The following CSMD2 variants were observed in gnomAD, a reference collection of about 807,000 sequenced individuals.
CSMD2 encodes the protein CUB and sushi domain-containing protein 2.
A neutral mutation model predicts 398.5 loss-of-function variants in CSMD2; 130 were observed. The ratio of observed to expected loss-of-function variants is 0.33; its 90% CI spans 0.28 to 0.38. CSMD2 has a LOEUF of 0.38. CSMD2 is among the 10% of genes least tolerant of loss of function. The pLI is 1.00. For missense variants in CSMD2, 3,829 were observed against 4,764.9 expected (o/e 0.80, Z 5.78); for synonymous variants, 1,828 against 1,908.5 (o/e 0.96, Z 1.10).
At chr1:33,823,215 G>A (rs1307697003) in intron 7 of CSMD2, among the ~76,000 whole-genome samples, 2 of 152,150 alleles carry the variant, frequency 1.3e-5, no homozygotes, top group Non-Finnish European at 2.9e-5. Flanking sequence ...CATCCAGAAA[G>A]TCACAAACCC....
intron 3 of CSMD2, among the ~76,000 whole-genome samples, chr1:33,941,916 T>C (rs1644687898): frequency 1.3e-5 from 2 of 152,154 alleles, no homozygotes; most frequent in Non-Finnish European, 2.9e-5. Context: ...ATGATATGTA[T>C]TTTTGCTTGA....
At chr1:33,588,624 C>G (rs550446054) in intron 44 of CSMD2, among the ~76,000 whole-genome samples, 1 of 152,270 alleles carries the variant, frequency 6.6e-6, no homozygotes, top group South Asian at 2.1e-4. Context: ...ATGCAACAAA[C>G]CATTATGTTA....
At chr1:33,665,683 C>A (rs1482859320) in intron 25 of CSMD2, among the ~76,000 whole-genome samples, 1 of 151,888 alleles carries the variant, frequency 6.6e-6, no homozygotes, top group Non-Finnish European at 1.5e-5. Context: ...CTGCCTCAGC[C>A]TCCAAAATTC....
At chr1:34,149,077 G>A (rs1640048740) in intron 1 of CSMD2, among the ~76,000 whole-genome samples, 1 of 152,176 alleles carries the variant, frequency 6.6e-6, no homozygotes, top group South Asian at 2.1e-4. Context: ...CCCCAGGAAT[G>A]GCTGAATAAA....
At position 33,698,799 on chromosome 1, in the gene CSMD2, C is replaced by T. The variant is rs1283874960; in HGVS notation, c.3879G>A (p.Leu1293=). The T allele has an allele frequency of 1.2e-6, 2 of 1,614,032 alleles. No homozygotes were observed. Among genetic ancestry groups the T allele is most frequent in the African/African-American group, 2.7e-5 (2 of 74,926 alleles). ...SLRGSEELLC[L]SGERRTWDRP... ...GGTCCCAGGTCCGGCGCTCTCCACTCAGACACAGCAGCTCCTCACTACCCC... is the reference window on the plus strand; with the variant it reads ...GGTCCCAGGTCCGGCGCTCTCCACTTAGACACAGCAGCTCCTCACTACCCC... Residue 1293 remains leucine (L), a synonymous_variant, in exon 24 of 71, where the codon CTG becomes CTA. Coordinates refer to ENST00000373381, the MANE Select transcript of CSMD2 (RefSeq NM_001281956.2).
intron 10 of CSMD2, among the ~76,000 whole-genome samples, chr1:33,799,071 T>C (rs1318601941): frequency 6.6e-6 from 1 of 152,214 alleles, no homozygotes; most frequent in Non-Finnish European, 1.5e-5. Flanking sequence ...CCAAATGCTC[T>C]TAGCACCTCC....
chr1:33,903,882 G>GT (rs576548198), intron 5 of CSMD2, among the ~76,000 whole-genome samples: 84 of 152,028 alleles, frequency 5.5e-4, no homozygotes, highest in African/African-American at 7.7e-4. Context: ...TTTGTTTTTT[G>GT]TTTTTTTAAC....
At chr1:34,098,605 G>C (rs550820797) in intron 1 of CSMD2, among the ~76,000 whole-genome samples, 1 of 152,038 alleles carries the variant, frequency 6.6e-6, no homozygotes, top group Non-Finnish European at 1.5e-5. Flanking sequence ...ACATGAAATG[G>C]TATTGCATGA....
At chr1:33,951,159 G>A (rs1041777541) in intron 3 of CSMD2, among the ~76,000 whole-genome samples, 3 of 152,222 alleles carry the variant, frequency 2.0e-5, no homozygotes, top group Non-Finnish European at 4.4e-5. Context: ...CACATCTCCA[G>A]GGCTGGAGAG....
intron 12 of CSMD2, among the ~76,000 whole-genome samples, chr1:33,776,063 C>T (rs1047272661): frequency 3.3e-5 from 5 of 152,162 alleles, no homozygotes; most frequent in Admixed American, 1.3e-4. Flanking sequence ...GGTGATATCA[C>T]TCTCTCTAGA....
intron 3 of CSMD2, among the ~76,000 whole-genome samples, chr1:34,027,916 G>T (rs937774309): frequency 6.7e-6 from 1 of 148,344 alleles, no homozygotes; most frequent in Admixed American, 6.9e-5. Flanking sequence ...GAGTCAGGAG[G>T]AGGAGGAGGA....
rs535211484 is a variant in CSMD2 at position 34,048,733 on chromosome 1, C to T, written c.405-16027G>A. ...GAAAGATTAGGTCTCCATTTAAAGA[C>T]AGCGCTTTGCAGTGTGCTACAGGCA... On this transcript the variant is annotated intron_variant, in intron 2 of 70. Transcript: ENST00000373381. Among the ~76,000 whole-genome samples, 6 of 152,342 alleles carry T rather than the reference C, an allele frequency of 3.9e-5. No homozygotes were observed. The East Asian group carries it at 9.6e-4, about 24-fold the overall frequency.
chr1:33,999,890 A>G (rs1646847290), intron 3 of CSMD2, among the ~76,000 whole-genome samples: 1 of 152,222 alleles, frequency 6.6e-6, no homozygotes. Context: ...ATGTTACTAT[A>G]TTTGCATAGT....
At chr1:33,902,435 C>T (rs915453612) in intron 5 of CSMD2, among the ~76,000 whole-genome samples, 1 of 152,156 alleles carries the variant, frequency 6.6e-6, no homozygotes, top group African/African-American at 2.4e-5. Context: ...CATGCTCTAT[C>T]ACATCATGTT....
intron 5 of CSMD2, among the ~76,000 whole-genome samples, chr1:33,915,160 G>A (rs1395356359): frequency 1.1e-4 from 17 of 152,154 alleles, no homozygotes; most frequent in Non-Finnish European, 7.3e-5. Context: ...GGGGTGCCCA[G>A]TTGTCCAAAT....
chr1:34,004,439 C>A (rs543893919), intron 3 of CSMD2, among the ~76,000 whole-genome samples: 1 of 148,844 alleles, frequency 6.7e-6, no homozygotes, highest in South Asian at 2.1e-4. Context: ...GGAGCCACAG[C>A]TTTACCTAGT....
intron 3 of CSMD2, among the ~76,000 whole-genome samples, chr1:34,005,801 T>G (rs1647036562): frequency 6.6e-6 from 1 of 152,238 alleles, no homozygotes; most frequent in Non-Finnish European, 1.5e-5. Flanking sequence ...AGATTTGTAT[T>G]CTAGCAGAGC....
At chr1:33,638,736 T>C (rs909077846) in intron 29 of CSMD2, among the ~76,000 whole-genome samples, 1 of 152,196 alleles carries the variant, frequency 6.6e-6, no homozygotes, top group African/African-American at 2.4e-5. Context: ...CTCCCTGTCT[T>C]ACCTCTTTCA....
At chr1:33,867,869 C>A (rs973510995) in intron 5 of CSMD2, among the ~76,000 whole-genome samples, 1 of 152,194 alleles carries the variant, frequency 6.6e-6, no homozygotes, top group African/African-American at 2.4e-5. Context: ...GGCCCCCACA[C>A]AGCTAGGCCC....
Sources: gnomAD v4.1 joint callset for allele counts (sites outside exome capture counted in the v4.1 genomes callset) on GRCh38, gnomAD v4.1.1 for gene constraint, MANE v1.5 for transcripts, NCBI Gene and HGNC (gene_info 2026-07-23, HGNC 2026-07-21) for gene names.